ESR1: variants seen among roughly 807,000 people sequenced by gnomAD.
ESR1 encodes estrogen receptor 1.
Under a neutral mutation model 52.7 loss-of-function variants are expected in ESR1, and 12 were observed. The ratio of observed to expected loss-of-function variants is 0.23; its 90% CI spans 0.15 to 0.37. The LOEUF is 0.37. ESR1 is among the 10% of genes least tolerant of loss of function. The probability of loss-of-function intolerance (pLI) is 1.00; values close to 1 mark genes in which losing one functional copy is unlikely to be tolerated. For synonymous variants in ESR1, 305 were observed against 316.8 expected, an observed-to-expected ratio of 0.96 and a Z score of 0.39; for missense variants, 584 against 779.7, an observed-to-expected ratio of 0.75 and a Z score of 2.99.
intron 2 of ESR1, among the ~76,000 whole-genome samples, chr6:151,792,578 T>C (rs1369821556): frequency 6.6e-6 from 1 of 152,100 alleles, no homozygotes; most frequent in Non-Finnish European, 1.5e-5. Flanking sequence ...TAGCTGGTAC[T>C]GCAGACGTAC....
At chr6:152,001,216 AT>A (rs1317038229) in intron 4 of ESR1, among the ~76,000 whole-genome samples, 2 of 151,944 alleles carry the variant, frequency 1.3e-5, no homozygotes, top group Non-Finnish European at 2.9e-5. Flanking sequence ...AATTATAAAG[AT>A]TTGTTTGACT....
rs1307194392 is a variant in ESR1, at chr6:151,880,763, T to C, written c.752T>C (p.Met251Thr). The C allele has an allele frequency of 4.5e-6, 7 of 1,566,880 alleles. No homozygotes were observed. The highest frequency in any genetic ancestry group is 6.2e-6 in the Non-Finnish European group (7 of 1,137,044). The part of the protein sequence containing the change: ...RLRKCYEVGM[M>T]KGGIRKDRRG... The stretch of plus-strand genomic sequence containing the variant: ...CGTAAATGCTACGAAGTGGGAATGA[T>C]GAAAGGTGGTAGGTACATCTCTCCC... The change falls in exon 3 of 8, where the codon ATG (methionine) becomes ACG (threonine). Residue 251 changes from methionine to threonine, a missense_variant. Met to Thr is a moderately conservative substitution (Grantham distance 81). This residue lies in a region of ESR1 where 88 missense variants were observed against 88.3 expected (regional missense o/e 1.00). Coordinates refer to ENST00000206249, the MANE Select transcript of ESR1 (RefSeq NM_000125.4).
intron 2 of ESR1, among the ~76,000 whole-genome samples, chr6:151,703,771 C>T (rs936930382): frequency 2.0e-5 from 3 of 152,182 alleles, no homozygotes; most frequent in African/African-American, 4.8e-5. Flanking sequence ...CTCCCTTTCT[C>T]TCTTTTTGAT....
rs143859902 is a variant in ESR1 at position 152,067,300 on chromosome 6, C to T, written c.1369+6176C>T. Among the ~76,000 whole-genome samples, 861 of 152,234 alleles carry T rather than the reference C, an allele frequency of 5.7e-3. 4 individuals are homozygous for T. Among genetic ancestry groups the T allele is most frequent in the Admixed American group, 9.0e-3 (138 of 15,300 alleles). ...CTGGGGAAAATGTAGGGAGTTTTAG[C>T]ATGAATTTGTGGGAGGTGAGAAAAG... is the stretch of plus-strand genomic sequence containing the variant. On this transcript the variant is annotated intron_variant, in intron 6 of 7. Coordinates refer to ENST00000206249, the MANE Select transcript of ESR1 (RefSeq NM_000125.4).
chr6:152,121,686 C>G (rs2813558), intron 6 of ESR1: 1 of 152,212 alleles, frequency 6.6e-6, no homozygotes, highest in Non-Finnish European at 1.5e-5. Flanking sequence ...CACAGACAAA[C>G]TATTTTATAA....
At chr6:151,692,103 G>T (rs1005662252) in intron 1 of ESR1, among the ~76,000 whole-genome samples, 1 of 152,158 alleles carries the variant, frequency 6.6e-6, no homozygotes, top group Non-Finnish European at 1.5e-5. Flanking sequence ...TCATTTTATT[G>T]CTTGTGACAG....
chr6:151,829,076 T>C (rs1781967445), intron 1 of ESR1, among the ~76,000 whole-genome samples: 1 of 152,252 alleles, frequency 6.6e-6, no homozygotes, highest in African/African-American at 2.4e-5. Flanking sequence ...AATTCGGCCT[T>C]GCCACTGTTG....
At chr6:151,954,069 T>G (rs1201236861) in intron 4 of ESR1, among the ~76,000 whole-genome samples, 1 of 152,192 alleles carries the variant, frequency 6.6e-6, no homozygotes, top group Non-Finnish European at 1.5e-5. Flanking sequence ...CTAAATCCCC[T>G]GTCTCAAGCA....
At chr6:152,046,221 G>A (rs2046215918) in intron 5 of ESR1, among the ~76,000 whole-genome samples, 1 of 152,156 alleles carries the variant, frequency 6.6e-6, no homozygotes. Flanking sequence ...CTCTCTGTTT[G>A]CATATGAGGA....
chr6:152,020,160 T>C (rs1295257615), intron 5 of ESR1, among the ~76,000 whole-genome samples: 6 of 152,252 alleles, frequency 3.9e-5, no homozygotes, highest in Non-Finnish European at 8.8e-5. Flanking sequence ...GGTTTATGCA[T>C]GTATGCATAT....
intron 2 of ESR1, among the ~76,000 whole-genome samples, chr6:151,704,966 A>T (rs1488911498): frequency 6.6e-6 from 1 of 150,466 alleles, no homozygotes; most frequent in East Asian, 2.0e-4. Context: ...AAACTTCAGG[A>T]TCTAAGCCCT....
chr6:151,779,568 TG>T (rs1486336711), intron 2 of ESR1, among the ~76,000 whole-genome samples: 1 of 152,128 alleles, frequency 6.6e-6, no homozygotes, highest in African/African-American at 2.4e-5. Context: ...ACACATATAC[TG>T]TTGGTGGGAG....
chr6:151,911,642 T>G (rs1201033481), intron 3 of ESR1, among the ~76,000 whole-genome samples: 1 of 152,360 alleles, frequency 6.6e-6, no homozygotes, highest in South Asian at 2.1e-4. Context: ...TCCTGCATGA[T>G]GTAAAATGAA....
intron 4 of ESR1, among the ~76,000 whole-genome samples, chr6:151,998,268 G>A (rs1349756450): frequency 6.6e-6 from 1 of 152,118 alleles, no homozygotes; most frequent in Non-Finnish European, 1.5e-5. Context: ...AAATTTACAT[G>A]TAATTGTGCA....
chr6:151,824,782 G>A (rs923629961), intron 1 of ESR1, among the ~76,000 whole-genome samples: 10 of 152,038 alleles, frequency 6.6e-5, no homozygotes, highest in Non-Finnish European at 1.2e-4. Flanking sequence ...TTAGCCGGGC[G>A]TGGTGGCACA....
intron 4 of ESR1, among the ~76,000 whole-genome samples, chr6:151,966,146 G>C (rs187607423): frequency 8.3e-4 from 127 of 152,204 alleles, no homozygotes; most frequent in Non-Finnish European, 1.6e-3. Context: ...TTTGCTAATA[G>C]TTTGACAGAG....
intron 6 of ESR1, among the ~76,000 whole-genome samples, chr6:152,068,523 A>T (rs1354022876): frequency 7.1e-6 from 1 of 140,560 alleles, no homozygotes; most frequent in Non-Finnish European, 1.5e-5. Flanking sequence ...TAATATCAAC[A>T]TTTGTTTAAA....
intron 3 of ESR1, among the ~76,000 whole-genome samples, chr6:151,939,348 C>CT (rs1205237812): frequency 6.6e-6 from 1 of 152,130 alleles, no homozygotes; most frequent in Non-Finnish European, 1.5e-5. Flanking sequence ...GGGGGGTGAA[C>CT]TTAAGTAAAA....
intron 3 of ESR1, among the ~76,000 whole-genome samples, chr6:151,932,631 T>G (rs2033812690): frequency 1.4e-5 from 2 of 142,120 alleles, no homozygotes; most frequent in African/African-American, 5.3e-5. Context: ...GATTTTTGTA[T>G]AAGGTGTAAG....
Sources: allele counts gnomAD v4.1 joint callset (sites outside exome capture counted in the v4.1 genomes callset), GRCh38; gene constraint gnomAD v4.1.1; regional missense constraint gnomAD v4.1.1; transcripts MANE v1.5; gene names NCBI Gene and HGNC (gene_info 2026-07-23, HGNC 2026-07-21).